The following RERE variants were observed in gnomAD, a reference collection of about 807,000 sequenced individuals.
RERE encodes arginine-glutamic acid dipeptide repeats.
RERE carries 40 observed loss-of-function variants against 146.1 expected under a neutral mutation model. That is an observed-to-expected ratio of 0.27 (90% confidence interval 0.21 to 0.36). The LOEUF (loss-of-function observed/expected upper bound fraction) is 0.36, where lower values mean the gene tolerates loss of function less well. Among genes scored for constraint, RERE ranks in the 10% least tolerant of loss-of-function variants. The pLI, the probability that RERE is intolerant of heterozygous loss-of-function variation, is 1.00. For missense variants in RERE, 1,933 were observed against 2,138.7 expected (o/e 0.90, Z 1.90); for synonymous variants, 1,003 against 866.0 (o/e 1.16, Z -2.78).
chr1:8,490,124 A>AGG (rs1219595093), intron 10 of RERE, among the ~76,000 whole-genome samples: 1 of 151,732 alleles, frequency 6.6e-6, no homozygotes, highest in Non-Finnish European at 1.5e-5. Context: ...GCACTTTGGG[A>AGG]GGCCAAGGCG....
Position 8,574,384 on chromosome 1 carries a change from G to T in RERE, c.523-16861C>A, listed in dbSNP as rs180679203. 9.9e-3 allele frequency among the ~76,000 whole-genome samples: 1,181 copies of T among 119,224 alleles called. 4 individuals carry two copies. The highest frequency in any genetic ancestry group is 0.014 in the Non-Finnish European group (883 of 62,912). 78.2% of individuals were successfully genotyped at this position (119,224 alleles called of 152,430 possible). ...TTTTGAGACGCAGTCTCGCTCTGTC[G>T]CCCAGACTGGAGTGCAGTGGCACGA... is the stretch of plus-strand genomic sequence containing the variant. On this transcript the variant is annotated intron_variant, in intron 4 of 22. Transcript: ENST00000400908.
intron 1 of RERE, among the ~76,000 whole-genome samples, chr1:8,735,905 T>C (rs1640186667): frequency 6.6e-6 from 1 of 152,184 alleles, no homozygotes; most frequent in Admixed American, 6.5e-5. Flanking sequence ...CTTTCCTTTA[T>C]AAATTGCCCA....
chr1:8,716,428 C>A (rs1407577382), intron 1 of RERE, among the ~76,000 whole-genome samples: 1 of 152,038 alleles, frequency 6.6e-6, no homozygotes, highest in Admixed American at 6.6e-5. Context: ...CAAGACTGCA[C>A]CACTGCACTC....
intron 11 of RERE, among the ~76,000 whole-genome samples, chr1:8,460,254 C>A (rs868623710): frequency 1.1e-4 from 16 of 152,144 alleles, no homozygotes; most frequent in Non-Finnish European, 1.2e-4. Context: ...ACAATGTTTT[C>A]TCAAGCAGAC....
At chr1:8,498,755 A>ACACACACACG (rs1481493622) in intron 8 of RERE, among the ~76,000 whole-genome samples, 2 of 150,642 alleles carry the variant, frequency 1.3e-5, no homozygotes, top group East Asian at 3.9e-4. Context: ...ACACACACAC[A>ACACACACACG]CACACACACA....
intron 4 of RERE, among the ~76,000 whole-genome samples, chr1:8,607,870 C>T (rs182338342): frequency 0.015 from 2,266 of 151,686 alleles, 21 homozygotes; most frequent in Non-Finnish European, 0.025. Context: ...AGATTACAGG[C>T]GCCCGCCACC....
At chr1:8,794,733 C>T (rs933876720) in intron 1 of RERE, among the ~76,000 whole-genome samples, 2 of 151,498 alleles carry the variant, frequency 1.3e-5, no homozygotes, top group African/African-American at 4.9e-5. Flanking sequence ...CCCATCTTTA[C>T]AAAACAAAAC....
chr1:8,801,175 G>A (rs1012527257), intron 1 of RERE, among the ~76,000 whole-genome samples: 10 of 150,878 alleles, frequency 6.6e-5, no homozygotes, highest in Non-Finnish European at 5.9e-5. Flanking sequence ...TGGGAAGATC[G>A]CTTGAGCCCA....
intron 4 of RERE, among the ~76,000 whole-genome samples, chr1:8,585,183 A>G (rs1646412592): frequency 6.6e-6 from 1 of 151,714 alleles, no homozygotes; most frequent in Non-Finnish European, 1.5e-5. Flanking sequence ...GGGATAGTCT[A>G]ATTCTGTCAC....
In RERE at chr1:8,400,222, ATGTGTGTGTGTGTG is replaced by A. The variant is rs1553161719; in HGVS notation, c.1284+22491_1284+22504del. The stretch of plus-strand genomic sequence containing the variant: ...CTCTTCCTTTCCATTCCTGTGTCAT[ATGTGTGTGTGTGTG>A]TGTGTGTGTGTGTGTGTGTACATAT... On this transcript the variant is annotated intron_variant, in intron 12 of 22. Transcript: ENST00000400908. 4.3e-5 allele frequency among the ~76,000 whole-genome samples: 6 copies of A among 140,062 alleles called. No individual in the cohort carries two copies. The East Asian group carries it at 6.6e-4, about 15-fold the overall frequency. The allele number at this position is 140,062 out of a possible 152,430, so 91.9% of individuals were successfully genotyped here.
At chr1:8,694,548 C>A (rs1480818955) in intron 1 of RERE, among the ~76,000 whole-genome samples, 1 of 151,998 alleles carries the variant, frequency 6.6e-6, no homozygotes, top group African/African-American at 2.4e-5. Context: ...ATCACAAGGT[C>A]AGGAATTCAA....
At chr1:8,564,343 T>C (rs1408566074) in intron 4 of RERE, among the ~76,000 whole-genome samples, 2 of 152,198 alleles carry the variant, frequency 1.3e-5, no homozygotes, top group Non-Finnish European at 2.9e-5. Flanking sequence ...GGGACCCAAG[T>C]CTAAACACAA....
Position 8,416,831 on chromosome 1 carries a change from T to C in RERE, c.1284+5896A>G, listed in dbSNP as rs530329246. The stretch of plus-strand genomic sequence containing the variant: ...GTAAATAGCGGTGCTTCCTAAACTT[T>C]ACAGTACTTTGGAATCCTCTGGGGG... On this transcript the variant is annotated intron_variant, in intron 12 of 22. Coordinates refer to ENST00000400908, the MANE Select transcript of RERE (RefSeq NM_001042681.2). 7.9e-5 allele frequency among the ~76,000 whole-genome samples: 12 copies of C among 152,288 alleles called. No individual in the cohort carries two copies. In the South Asian group the frequency reaches 1.7e-3, roughly 21 times the overall value.
chr1:8,755,728 G>A (rs1640627873), intron 1 of RERE, among the ~76,000 whole-genome samples: 1 of 152,118 alleles, frequency 6.6e-6, no homozygotes, highest in South Asian at 2.1e-4. Context: ...AAAACAAACT[G>A]TATTGTCAGA....
chr1:8,752,651 G>C (rs565438156), intron 1 of RERE, among the ~76,000 whole-genome samples: 3 of 152,150 alleles, frequency 2.0e-5, no homozygotes, highest in Non-Finnish European at 4.4e-5. Flanking sequence ...TTAAAACCTT[G>C]TGAGTTTCTT....
intron 2 of RERE, among the ~76,000 whole-genome samples, chr1:8,652,939 T>A (rs1221959217): frequency 3.3e-5 from 5 of 152,124 alleles, no homozygotes; most frequent in African/African-American, 1.2e-4. Flanking sequence ...GCTCAAGAGA[T>A]CCTCCCACTT....
intron 4 of RERE, among the ~76,000 whole-genome samples, chr1:8,605,354 A>C (rs1183899100): frequency 6.6e-6 from 1 of 152,042 alleles, no homozygotes; most frequent in African/African-American, 2.4e-5. Flanking sequence ...GTATGGTCTC[A>C]ATCTCCTGAC....
At chr1:8,813,224 A>T (rs781372868) in intron 1 of RERE, among the ~76,000 whole-genome samples, 1 of 152,224 alleles carries the variant, frequency 6.6e-6, no homozygotes, top group African/African-American at 2.4e-5. Flanking sequence ...GGATGTGTGT[A>T]TGTGTGTGTA....
intron 12 of RERE, among the ~76,000 whole-genome samples, chr1:8,404,394 G>A (rs1171657712): frequency 2.6e-5 from 4 of 151,760 alleles, no homozygotes; most frequent in Admixed American, 2.0e-4. Flanking sequence ...CTCCTGCCTC[G>A]GCGACATAGT....
Sources: gnomAD v4.1 joint callset for allele counts (sites outside exome capture counted in the v4.1 genomes callset) on GRCh38, gnomAD v4.1.1 for gene constraint, MANE v1.5 for transcripts, NCBI Gene and HGNC (gene_info 2026-07-23, HGNC 2026-07-21) for gene names.